Variants in NLGN1 observed in about 807,000 individuals in gnomAD.
NLGN1 encodes the protein neuroligin 1, also known as neuroligin-1.
NLGN1 carries 12 observed loss-of-function variants against 65.5 expected under a neutral mutation model. The ratio of observed to expected loss-of-function variants is 0.18; its 90% CI spans 0.12 to 0.30. NLGN1 has a LOEUF of 0.30. Ranked by LOEUF, NLGN1 falls within the 10% of genes least tolerant of loss-of-function variation. NLGN1 has a pLI of 1.00. For synonymous variants in NLGN1, 350 were observed against 359.5 expected (o/e 0.97, Z 0.30); for missense variants, 750 against 1,007.1 (o/e 0.74, Z 3.46).
intron 3 of NLGN1, among the ~76,000 whole-genome samples, chr3:173,669,661 A>T (rs1449668636): frequency 1.3e-5 from 2 of 152,250 alleles, no homozygotes; most frequent in Non-Finnish European, 2.9e-5. Context: ...TCAAGACTTC[A>T]ATAGGTGAAT....
intron 2 of NLGN1, among the ~76,000 whole-genome samples, chr3:173,552,319 A>C (rs1277424780): frequency 1.8e-4 from 28 of 152,198 alleles, no homozygotes; most frequent in Admixed American, 1.8e-3. Context: ...TTGAGCAATT[A>C]TTGACCTTTA....
rs372711610 is a variant in NLGN1 at position 173,572,024 on chromosome 3, G to A, written c.-320-32255G>A. The stretch of plus-strand genomic sequence containing the variant: ...TCCCTCTAAGAAGTTATTACTCAGA[G>A]GGATAATATAGTTAAATATCACTCA... On this transcript the variant is annotated intron_variant, in intron 2 of 6. Transcript: ENST00000457714. Among the ~76,000 whole-genome samples the A allele has an allele frequency of 1.2e-4, 18 of 152,312 alleles. 1 individual carries two copies. Among genetic ancestry groups the A allele is most frequent in the Admixed American group, 2.0e-4 (3 of 15,298 alleles).
intron 4 of NLGN1, among the ~76,000 whole-genome samples, chr3:174,182,148 T>G (rs781593746): frequency 6.6e-6 from 1 of 152,078 alleles, no homozygotes; most frequent in Non-Finnish European, 1.5e-5. Context: ...AATCTTTTTT[T>G]CTAAATATAT....
At chr3:173,454,237 A>G (rs180870900) in intron 2 of NLGN1, among the ~76,000 whole-genome samples, 13 of 152,316 alleles carry the variant, frequency 8.5e-5, no homozygotes, top group Admixed American at 8.5e-4. Flanking sequence ...TATTCTATTT[A>G]TAGAGCATGG....
chr3:173,581,619 C>G (rs1746410657), intron 2 of NLGN1, among the ~76,000 whole-genome samples: 1 of 151,558 alleles, frequency 6.6e-6, no homozygotes, highest in South Asian at 2.1e-4. Context: ...GCTAGAATTT[C>G]TAATATCAAT....
At chr3:173,939,372 T>A (rs1745584120) in intron 4 of NLGN1, among the ~76,000 whole-genome samples, 1 of 152,178 alleles carries the variant, frequency 6.6e-6, no homozygotes, top group Admixed American at 6.5e-5. Flanking sequence ...AAGTTCCATG[T>A]CCTATTGCAT....
chr3:174,292,214 A>G, the NLGN1 span, among the ~76,000 whole-genome samples: 1 of 151,440 alleles, frequency 6.6e-6, no homozygotes, highest in Admixed American at 6.6e-5. Context: ...TATGCAAACT[A>G]TGATCAAGCT....
chr3:173,737,839 T>G (rs1310969230), intron 3 of NLGN1, among the ~76,000 whole-genome samples: 1 of 152,046 alleles, frequency 6.6e-6, no homozygotes, highest in African/African-American at 2.4e-5. Flanking sequence ...CAGACTATTT[T>G]CCAAAGTGGA....
chr3:173,459,157 G>T (rs1228722857), intron 2 of NLGN1, among the ~76,000 whole-genome samples: 4 of 151,994 alleles, frequency 2.6e-5, no homozygotes, highest in African/African-American at 9.7e-5. Context: ...TGATCTTACA[G>T]CAGTAATCTG....
intron 3 of NLGN1, among the ~76,000 whole-genome samples, chr3:173,762,965 T>TACAC (rs111427276): frequency 0.028 from 3,999 of 143,308 alleles, 67 homozygotes; most frequent in Middle Eastern, 0.047. Flanking sequence ...TTGTCTCTGA[T>TACAC]ACACACACAC....
intron 4 of NLGN1, among the ~76,000 whole-genome samples, chr3:174,082,887 A>T (rs1742527705): frequency 6.6e-6 from 1 of 151,796 alleles, no homozygotes; most frequent in African/African-American, 2.4e-5. Context: ...CGCCCGGCTA[A>T]TTTTTTTGTG....
intron 3 of NLGN1, among the ~76,000 whole-genome samples, chr3:173,644,015 G>GT: frequency 6.6e-6 from 1 of 152,336 alleles, no homozygotes; most frequent in Admixed American, 6.5e-5. Flanking sequence ...CCTGGGGCTG[G>GT]TGCTTACCTA....
chr3:173,446,219 C>G (rs1720265541), intron 2 of NLGN1, among the ~76,000 whole-genome samples: 1 of 62,138 alleles, frequency 1.6e-5, no homozygotes, highest in Non-Finnish European at 3.4e-5. Flanking sequence ...TCCCCCCTAC[C>G]CCCACCCCAC....
chr3:174,183,057 A>G (rs1305219862), intron 4 of NLGN1, among the ~76,000 whole-genome samples: 1 of 151,964 alleles, frequency 6.6e-6, no homozygotes, highest in East Asian at 1.9e-4. Flanking sequence ...TCTAGACTCA[A>G]TTTCCACCAC....
chr3:173,618,278 C>T (rs943444145), intron 3 of NLGN1, among the ~76,000 whole-genome samples: 4 of 152,040 alleles, frequency 2.6e-5, no homozygotes, highest in African/African-American at 7.2e-5. Context: ...TCACTGTAAT[C>T]CTTGAGCCCA....
At chr3:173,948,202 C>A (rs955432036) in intron 4 of NLGN1, among the ~76,000 whole-genome samples, 1 of 152,128 alleles carries the variant, frequency 6.6e-6, no homozygotes, top group African/African-American at 2.4e-5. Context: ...TAGTTAAATT[C>A]TCCAAATTTT....
chr3:174,286,749 C>G (rs118117722), downstream of NLGN1: 56 of 151,666 alleles, frequency 3.7e-4, 1 homozygote, highest in East Asian at 0.011. Context: ...TGTATTGCTT[C>G]CACACTGCTG....
chr3:173,664,675 C>A (rs1761450040), intron 3 of NLGN1, among the ~76,000 whole-genome samples: 1 of 152,030 alleles, frequency 6.6e-6, no homozygotes, highest in Non-Finnish European at 1.5e-5. Context: ...TCCTCAGAGC[C>A]ACATGCAAAG....
At chr3:173,430,535 T>A (rs575859038) in intron 1 of NLGN1, among the ~76,000 whole-genome samples, 1 of 152,354 alleles carries the variant, frequency 6.6e-6, no homozygotes, top group African/African-American at 2.4e-5. Flanking sequence ...CAGGTGGCTC[T>A]TGATTAAGGT....
Sources: gnomAD v4.1 joint callset for allele counts (sites outside exome capture counted in the v4.1 genomes callset) on GRCh38, gnomAD v4.1.1 for gene constraint, MANE v1.5 for transcripts, NCBI Gene and HGNC (gene_info 2026-07-23, HGNC 2026-07-21) for gene names.